Variants in ASMTL observed in about 807,000 individuals in gnomAD.
ASMTL encodes the protein probable bifunctional dTTP/UTP pyrophosphatase/methyltransferase protein.
In ASMTL, 57 loss-of-function variants were observed where a neutral mutation model predicts 60.3. That is an observed-to-expected ratio of 0.95 (90% confidence interval 0.76 to 1.18). The LOEUF (loss-of-function observed/expected upper bound fraction) is 1.18, where lower values mean the gene tolerates loss of function less well. ASMTL is among the 50% of genes most tolerant of loss of function. The pLI is 0.00. For missense variants in ASMTL, 981 were observed against 852.6 expected (o/e 1.15, Z -1.88); for synonymous variants, 419 against 373.0 (o/e 1.12, Z -1.42).
chrX:1,450,234 G>C (rs1486704105), intron 1 of ASMTL, among the ~76,000 whole-genome samples: 4 of 151,912 alleles, frequency 2.6e-5, no homozygotes, highest in Non-Finnish European at 5.9e-5. Flanking sequence ...TGTGATTAGG[G>C]CTCCAGAGAG....
At chrX:1,422,590 G>A (rs1259322799) in intron 8 of ASMTL, among the ~76,000 whole-genome samples, 1 of 152,068 alleles carries the variant, frequency 6.6e-6, no homozygotes, top group Non-Finnish European at 1.5e-5. Flanking sequence ...CCCTCCCACA[G>A]AATGGGAGGC....
chrX:1,439,674 C>T (rs1320315358), intron 2 of ASMTL, among the ~76,000 whole-genome samples: 1 of 151,756 alleles, frequency 6.6e-6, no homozygotes, highest in Non-Finnish European at 1.5e-5. Context: ...TGGTGAAACC[C>T]CGTCTCTACT....
intron 8 of ASMTL, among the ~76,000 whole-genome samples, chrX:1,424,752 A>G (rs1470272290): frequency 6.6e-6 from 1 of 150,478 alleles, no homozygotes; most frequent in Admixed American, 6.6e-5. Context: ...CCATCCATCT[A>G]TCCACTCACC....
At position 1,435,346 on chromosome X, in the gene ASMTL, G is replaced by A. The variant is rs190108175; in HGVS notation, c.339-263C>T. 6.6e-5 allele frequency: 40 copies of A among 609,982 alleles called. 1 individual carries two copies. In the African/African-American group the frequency reaches 6.7e-4, roughly 10 times the overall value. The allele number at this position is 609,982 out of a possible 1,614,324, so 37.8% of individuals were successfully genotyped here. A position where few individuals can be genotyped will look rare whatever the true frequency, so the allele number is the denominator to read the frequency against. ...TCTCAGCTGGGCCTATGGCGGGCAG[G>A]GGGTGCATCTCTTCCACGTCCTGGG... On this transcript the variant is annotated intron_variant, in intron 4 of 12. Transcript: ENST00000381317.
chrX:1,421,479 G>T (rs2090482718), intron 9 of ASMTL, among the ~76,000 whole-genome samples, 179 bp downstream of exon 9: 1 of 152,152 alleles, frequency 6.6e-6, no homozygotes, highest in Non-Finnish European at 1.5e-5. Context: ...AGTTGCACCT[G>T]TTCCAGGGCT....
chrX:1,448,217 ACCATCTTGGACACACACTG>A (rs2091271515), intron 1 of ASMTL, among the ~76,000 whole-genome samples: 2 of 150,604 alleles, frequency 1.3e-5, no homozygotes, highest in Non-Finnish European at 3.0e-5. Flanking sequence ...TTGGACACAC[ACCATCTTGGACACACACTG>A]CCATCTTGGA....
chrX:1,435,067 G>A lies in ASMTL; in HGVS notation c.355C>T (p.His119Tyr). 6.2e-7 allele frequency: 1 copy of A among 1,613,952 alleles called. No homozygotes were observed. The highest frequency in any genetic ancestry group is 8.5e-7 in the Non-Finnish European group (1 of 1,179,854). The change falls in exon 5 of 13, where the codon CAC becomes TAC. Residue 119 changes from histidine to tyrosine, a missense_variant. By Grantham distance (83) the His-to-Tyr change is moderately conservative. Coordinates refer to ENST00000381317, the MANE Select transcript of ASMTL (RefSeq NM_004192.4). ...RMLSRLSGRE[H>Y]SVFTGVAIVH... ...ATCGCGACACCTGTGAACACGCTGT[G>A]TTCTCTCCCACTCAACCTGTAAGAC... is the stretch of plus-strand genomic sequence containing the variant.
intron 11 of ASMTL, among the ~76,000 whole-genome samples, chrX:1,417,565 CAT>C (rs1443646620): frequency 3.7e-5 from 3 of 81,144 alleles, no homozygotes; most frequent in South Asian, 7.4e-4. Context: ...GCACGACAGT[CAT>C]ATGCACACAG....
intron 3 of ASMTL, 29 bp from the exon 4 acceptor site, chrX:1,435,787 G>A (rs745529711): frequency 6.2e-6 from 10 of 1,602,524 alleles, no homozygotes; most frequent in Admixed American, 5.0e-5. Flanking sequence ...GAGGGAGTTG[G>A]TTCCCACCGG....
At chrX:1,417,516 C>CGT (rs1556656980) in intron 11 of ASMTL, among the ~76,000 whole-genome samples, 3 of 149,946 alleles carry the variant, frequency 2.0e-5, no homozygotes, top group African/African-American at 7.4e-5. Flanking sequence ...GATACAGACA[C>CGT]AGACATGCAC....
chrX:1,422,558 C>G (rs2090510125), intron 8 of ASMTL, among the ~76,000 whole-genome samples: 1 of 152,082 alleles, frequency 6.6e-6, no homozygotes, highest in African/African-American at 2.4e-5. Flanking sequence ...GACCCAGTCC[C>G]CAAGCTCCCT....
chrX:1,425,115 C>T (rs1472064963), intron 8 of ASMTL, among the ~76,000 whole-genome samples: 2 of 152,124 alleles, frequency 1.3e-5, no homozygotes, highest in Non-Finnish European at 2.9e-5. Flanking sequence ...TATCTGTCAT[C>T]TCTCTATCGT....
chrX:1,442,292 G>A lies in ASMTL; in HGVS notation c.119C>T (p.Ser40Phe). 6.2e-7 allele frequency: 1 copy of A among 1,613,872 alleles called. No individual in the cohort carries two copies. Among genetic ancestry groups the A allele is most frequent in the Non-Finnish European group, 8.5e-7 (1 of 1,179,860 alleles). The change falls in exon 2 of 13, where the codon TCC becomes TTC. Residue 40 changes from serine (S) to phenylalanine (F), a missense_variant. Ser to Phe is a radical substitution (Grantham distance 155). Coordinates refer to ENST00000381317, the MANE Select transcript of ASMTL (RefSeq NM_004192.4). The part of the protein sequence containing the change: ...NAGLRFEVVP[S>F]KFKEKLDKAS... ...TTTGTCCAGCTTCTCTTTAAACTTG[G>A]AGGGGACCACCTCAAACCTGAGACC...
intron 2 of ASMTL, among the ~76,000 whole-genome samples, chrX:1,440,707 G>T (rs1235138920): frequency 1.3e-5 from 2 of 152,176 alleles, no homozygotes; most frequent in African/African-American, 2.4e-5. Flanking sequence ...GCCGAGGCGG[G>T]TGGATCACCT....
chrX:1,444,292 T>G (rs1424503750), intron 1 of ASMTL, among the ~76,000 whole-genome samples: 2 of 149,918 alleles, frequency 1.3e-5, no homozygotes, highest in Non-Finnish European at 3.0e-5. Context: ...CACTGCAAGC[T>G]CCATCTCCCA....
chrX:1,418,163 C>T (rs2090368755), intron 10 of ASMTL, 47 bp from the exon 11 acceptor site: 6 of 1,540,156 alleles, frequency 3.9e-6, no homozygotes, highest in Non-Finnish European at 5.3e-6. Context: ...GTCTATGGAA[C>T]TCTGACGACT....
chrX:1,424,709 C>A (rs2090567392), intron 8 of ASMTL, among the ~76,000 whole-genome samples: 1 of 151,210 alleles, frequency 6.6e-6, no homozygotes, highest in African/African-American at 2.4e-5. Flanking sequence ...CAGTCATCCA[C>A]CCATCCATCC....
chrX:1,403,906 T>C (rs2089690070), intron 12 of ASMTL, among the ~76,000 whole-genome samples: 1 of 151,306 alleles, frequency 6.6e-6, no homozygotes, highest in Non-Finnish European at 1.5e-5. Context: ...ATGTATGAGA[T>C]GGATGGATGG....
intron 8 of ASMTL, among the ~76,000 whole-genome samples, chrX:1,424,600 C>T (rs1435834272): frequency 6.6e-6 from 1 of 151,504 alleles, no homozygotes; most frequent in Non-Finnish European, 1.5e-5. Context: ...ATCCACTCAC[C>T]CACTTATCCA....
Sources: gnomAD v4.1 joint callset for allele counts (sites outside exome capture counted in the v4.1 genomes callset) on GRCh38, gnomAD v4.1.1 for gene constraint, MANE v1.5 for transcripts, NCBI Gene and HGNC (gene_info 2026-07-23, HGNC 2026-07-21) for gene names.